The following FGL1 variants were observed in gnomAD, a reference collection of about 807,000 sequenced individuals.
The protein encoded by FGL1 is fibrinogen-like protein 1.
In FGL1, 59 loss-of-function variants were observed where a neutral mutation model predicts 43.7. The observed-to-expected ratio is 1.35, with a 90% confidence interval of 1.10 to 1.68. The LOEUF (loss-of-function observed/expected upper bound fraction) is 1.68, where lower values mean the gene tolerates loss of function less well. Ranked by LOEUF, FGL1 falls within the 40% of genes most tolerant of loss-of-function variation. The probability of loss-of-function intolerance (pLI) is 0.00; values close to 1 mark genes in which losing one functional copy is unlikely to be tolerated. For missense variants in FGL1, 596 were observed against 373.0 expected, an observed-to-expected ratio of 1.60 and a Z score of -4.92; for synonymous variants, 192 against 126.5, an observed-to-expected ratio of 1.52 and a Z score of -3.48.
chr8:17,879,568 A>T (rs531696560), intron 3 of FGL1, among the ~76,000 whole-genome samples: 1 of 152,146 alleles, frequency 6.6e-6, no homozygotes, highest in South Asian at 2.1e-4. Flanking sequence ...TTTTTGAAAC[A>T]GTGTCGCACC....
chr8:17,871,639 T>C (rs905873618), intron 5 of FGL1, among the ~76,000 whole-genome samples: 10 of 152,256 alleles, frequency 6.6e-5, no homozygotes, highest in African/African-American at 2.4e-4. Context: ...CTACTTCTAG[T>C]TGAGATTTAT....
intron 3 of FGL1, among the ~76,000 whole-genome samples, chr8:17,878,873 C>T (rs559899143): frequency 7.9e-5 from 12 of 151,262 alleles, no homozygotes; most frequent in African/African-American, 2.4e-4. Context: ...TTGAGGTGAA[C>T]AAGTTCTTAT....
chr8:17,867,928 A>G (rs149071374), intron 7 of FGL1, among the ~76,000 whole-genome samples: 114 of 152,316 alleles, frequency 7.5e-4, no homozygotes, highest in African/African-American at 2.6e-3. Context: ...AAATTAGCCC[A>G]TGTACCCCAG....
intron 1 of FGL1, among the ~76,000 whole-genome samples, chr8:17,887,844 A>G (rs1376064507): frequency 1.3e-5 from 2 of 152,108 alleles, no homozygotes; most frequent in African/African-American, 4.8e-5. Flanking sequence ...CAAAAAAAAA[A>G]AAAAGTATCT....
At chr8:17,870,203 T>C (rs2053337349) in intron 5 of FGL1, among the ~76,000 whole-genome samples, 3 of 152,068 alleles carry the variant, frequency 2.0e-5, no homozygotes, top group Admixed American at 1.3e-4. Flanking sequence ...TGACAAAAAA[T>C]CTCTAAACAT....
intron 7 of FGL1, among the ~76,000 whole-genome samples, chr8:17,866,932 T>C (rs138183386): frequency 2.6e-4 from 39 of 152,250 alleles, no homozygotes; most frequent in Middle Eastern, 3.4e-3. Flanking sequence ...GTTTTTAAAA[T>C]AACAGGAAAA....
chr8:17,875,535 C>CTTTCTCTCTCTCTCTTTCTT (rs1554564386), intron 3 of FGL1, among the ~76,000 whole-genome samples: 2 of 25,456 alleles, frequency 7.9e-5, no homozygotes, highest in Non-Finnish European at 1.9e-4. Context: ...TTCTTTCTTT[C>CTTTCTCTCTCTCTCTTTCTT]TCTTTCTTTC....
intron 1 of FGL1, among the ~76,000 whole-genome samples, chr8:17,887,206 C>T (rs962749073): frequency 9.2e-5 from 14 of 152,244 alleles, no homozygotes; most frequent in Middle Eastern, 3.4e-3. Flanking sequence ...TAGGATTCCT[C>T]GCTGGAGGAA....
At chr8:17,872,517 G>A (rs1266443110) in intron 5 of FGL1, among the ~76,000 whole-genome samples, 1 of 152,048 alleles carries the variant, frequency 6.6e-6, no homozygotes, top group African/African-American at 2.4e-5. Context: ...TGGCCAGGCT[G>A]GTCTCGAAAT....
At chr8:17,878,600 C>T (rs2053490917) in intron 3 of FGL1, among the ~76,000 whole-genome samples, 1 of 152,080 alleles carries the variant, frequency 6.6e-6, no homozygotes, top group South Asian at 2.1e-4. Context: ...AATTCATAAT[C>T]CGCTAGCACC....
Position 17,868,810 on chromosome 8 carries a change from C to G in FGL1, c.592-75G>C, listed in dbSNP as rs2053312031. ...TTTAAAATTAAGTTTATTTCATAAACAAAAGAACAGGTTCTATTGTATATT... is the reference window on the plus strand; with the variant it reads ...TTTAAAATTAAGTTTATTTCATAAAGAAAAGAACAGGTTCTATTGTATATT... On this transcript the variant is annotated intron_variant, in intron 6 of 7. Transcript: ENST00000427924. 5.4e-6 allele frequency: 8 copies of G among 1,494,590 alleles called. No homozygotes were observed. In the South Asian group the frequency reaches 7.6e-5, roughly 14 times the overall value. The allele number at this position is 1,494,590 out of a possible 1,614,324, so 92.6% of individuals were successfully genotyped here.
chr8:17,877,223 C>T (rs559657944), intron 3 of FGL1, among the ~76,000 whole-genome samples: 8 of 151,850 alleles, frequency 5.3e-5, no homozygotes, highest in Non-Finnish European at 8.8e-5. Flanking sequence ...GCTTTGTGTT[C>T]ATGGGAGTTT....
intron 1 of FGL1, among the ~76,000 whole-genome samples, chr8:17,894,893 A>T (rs1429396475): frequency 2.1e-5 from 3 of 143,866 alleles, no homozygotes; most frequent in Non-Finnish European, 3.0e-5. Flanking sequence ...ATACATAATT[A>T]TGTATATATT....
Position 17,885,503 on chromosome 8 carries a change from T to C in FGL1, c.52A>G (p.Arg18Gly). 1.9e-6 allele frequency: 3 copies of C among 1,612,476 alleles called. No homozygotes were observed. The highest frequency in any genetic ancestry group is 2.5e-6 in the Non-Finnish European group (3 of 1,178,946). ...ILVTTALTMG[R>G]EISALEDCAQ... is the part of the protein sequence containing the mutation. The stretch of plus-strand genomic sequence containing the variant: ...CCCAAGAAGCTTACCGAAATTTCCC[T>C]GCCCATTGTCAGAGCGGTGGTAACA... The change falls in exon 2 of 8, where the codon AGG (arginine) becomes GGG (glycine). Residue 18 changes from arginine to glycine, a missense_variant. Transcript: ENST00000427924.
intron 1 of FGL1, among the ~76,000 whole-genome samples, chr8:17,886,762 G>T (rs2053634306): frequency 7.5e-6 from 1 of 134,220 alleles, no homozygotes; most frequent in Non-Finnish European, 1.6e-5. Context: ...TGTCTAGAAA[G>T]AAACGAAATG....
chr8:17,872,981 T>C (rs903424814), intron 5 of FGL1, among the ~76,000 whole-genome samples: 2 of 152,176 alleles, frequency 1.3e-5, no homozygotes, highest in African/African-American at 2.4e-5. Context: ...TAATGTAGGA[T>C]ACAGGTGGTA....
intron 1 of FGL1, among the ~76,000 whole-genome samples, chr8:17,892,066 G>T (rs2053713117): frequency 6.6e-6 from 1 of 152,092 alleles, no homozygotes; most frequent in South Asian, 2.1e-4. Flanking sequence ...CGTGTTTTCA[G>T]TTGGCAATAA....
chr8:17,872,620 T>A (rs561126730), intron 5 of FGL1, among the ~76,000 whole-genome samples: 13 of 152,232 alleles, frequency 8.5e-5, no homozygotes, highest in African/African-American at 2.9e-4. Flanking sequence ...TTTAATGCAA[T>A]TGCAGTGTAA....
rs199806000 is a variant in FGL1 at position 17,882,178 on chromosome 8, G to A, written c.65C>T (p.Ala22Val). 53 of 1,611,808 alleles carry A rather than the reference G, an allele frequency of 3.3e-5. No homozygotes were observed. The East Asian group carries it at 8.7e-4, about 26-fold the overall frequency. ...CTGCTCCTGGGCACAGTCCTCGAGC[G>A]CCTGCAAAACAGGTGAGATGAGATG... ...TALTMGREISALEDCAQEQMR... is the reference protein window; with the variant it reads ...TALTMGREISVLEDCAQEQMR... The change falls in exon 3 of 8, where the codon GCG becomes GTG. Residue 22 changes from alanine to valine, a missense_variant and splice_region_variant. Transcript: ENST00000427924.
Sources: gnomAD v4.1 joint callset for allele counts (sites outside exome capture counted in the v4.1 genomes callset) on GRCh38, gnomAD v4.1.1 for gene constraint, MANE v1.5 for transcripts, NCBI Gene and HGNC (gene_info 2026-07-23, HGNC 2026-07-21) for gene names.